SNX8: variants seen among roughly 807,000 people sequenced by gnomAD.
The protein encoded by SNX8 is sorting nexin 8.
In SNX8, 25 loss-of-function variants were observed where a neutral mutation model predicts 51.6. The observed-to-expected ratio is 0.48, with a 90% CI of 0.35 to 0.68. The LOEUF (loss-of-function observed/expected upper bound fraction) is 0.68. Among genes scored for constraint, SNX8 ranks in the 30% least tolerant of loss-of-function variants. SNX8 has a pLI of 0.00. For synonymous variants in SNX8, 324 were observed against 277.0 expected (o/e 1.17, Z -1.68); for missense variants, 695 against 624.0 (o/e 1.11, Z -1.21).
At chr7:2,330,396 C>T (rs1778709006) in intron 1 of SNX8, among the ~76,000 whole-genome samples, 1 of 152,092 alleles carries the variant, frequency 6.6e-6, no homozygotes, top group Admixed American at 6.6e-5. Context: ...CCTTGGCCTC[C>T]AAAGTGCTGG....
chr7:2,300,612 C>T (rs1335999900), intron 1 of SNX8, among the ~76,000 whole-genome samples: 1 of 151,572 alleles, frequency 6.6e-6, no homozygotes, highest in African/African-American at 2.4e-5. Context: ...AAAGGTCTCG[C>T]TATGTAATGC....
At chr7:2,310,550 G>A (rs1156469295) in intron 1 of SNX8, among the ~76,000 whole-genome samples, 2 of 152,162 alleles carry the variant, frequency 1.3e-5, no homozygotes, top group Non-Finnish European at 2.9e-5. Context: ...GGCAGATCAT[G>A]AGGTCAGGAG....
chr7:2,340,096 T>C (rs1778894708), intron 1 of SNX8, among the ~76,000 whole-genome samples: 1 of 150,820 alleles, frequency 6.6e-6, no homozygotes, highest in Non-Finnish European at 1.5e-5. Context: ...AGAGTTCCGC[T>C]CTTATTGTCA....
intron 1 of SNX8, among the ~76,000 whole-genome samples, chr7:2,279,694 A>AG (rs1017870513): frequency 6.7e-6 from 1 of 148,656 alleles, no homozygotes; most frequent in Non-Finnish European, 1.5e-5. Flanking sequence ...CGGAGGCTGC[A>AG]GTGAGCCATG....
intron 7 of SNX8, among the ~76,000 whole-genome samples, chr7:2,262,348 C>A (rs1274937567): frequency 2.0e-5 from 3 of 152,046 alleles, no homozygotes; most frequent in Non-Finnish European, 4.4e-5. Flanking sequence ...CCATGTAACA[C>A]TTTTTCTTAA....
intron 1 of SNX8, among the ~76,000 whole-genome samples, chr7:2,323,329 C>CAAAAAA (rs35005505): frequency 3.8e-5 from 4 of 105,848 alleles, no homozygotes; most frequent in Non-Finnish European, 5.6e-5. Flanking sequence ...GAGTCTGTCT[C>CAAAAAA]AAAAAAAAAA....
chr7:2,263,465 C>A (rs76062739), intron 6 of SNX8, 103 bp from the exon 7 acceptor site: 17 of 1,195,546 alleles, frequency 1.4e-5, no homozygotes, highest in Non-Finnish European at 1.9e-5. Flanking sequence ...CGGCAACCTG[C>A]GTGACCCCGT....
At chr7:2,302,511 G>A (rs1268789472) in intron 1 of SNX8, among the ~76,000 whole-genome samples, 3 of 152,224 alleles carry the variant, frequency 2.0e-5, no homozygotes, top group African/African-American at 7.2e-5. Flanking sequence ...TGCAGCCTCT[G>A]CCCGGCCACC....
At chr7:2,262,533 G>T (rs1795362188) in intron 7 of SNX8, among the ~76,000 whole-genome samples, 1 of 151,888 alleles carries the variant, frequency 6.6e-6, no homozygotes, top group Admixed American at 6.6e-5. Flanking sequence ...AGGTGCTGGG[G>T]CTTTATTATT....
chr7:2,304,348 T>C (rs1057160003), intron 1 of SNX8, among the ~76,000 whole-genome samples: 1 of 150,306 alleles, frequency 6.7e-6, no homozygotes, highest in African/African-American at 2.4e-5. Flanking sequence ...ATAGAGACCA[T>C]CCTGGCTAAC....
intron 1 of SNX8, among the ~76,000 whole-genome samples, chr7:2,280,286 C>T (rs1795880371): frequency 6.6e-6 from 1 of 152,002 alleles, no homozygotes; most frequent in Non-Finnish European, 1.5e-5. Context: ...GTTTTTAATA[C>T]AAAGTGAGTT....
At chr7:2,267,658 A>G (rs60230268) in intron 5 of SNX8, among the ~76,000 whole-genome samples, 14 of 148,922 alleles carry the variant, frequency 9.4e-5, no homozygotes, top group Admixed American at 3.4e-4. Flanking sequence ...ATCTCGGCTC[A>G]CTACAACCTA....
At chr7:2,268,449 TG>T (rs1221305237) in intron 5 of SNX8, among the ~76,000 whole-genome samples, 17 of 105,458 alleles carry the variant, frequency 1.6e-4, no homozygotes, top group Admixed American at 2.8e-4. Context: ...GGGAGGGAGG[TG>T]GGGGGGGTCA....
intron 3 of SNX8, among the ~76,000 whole-genome samples, chr7:2,274,495 A>G (rs958213295): frequency 6.6e-6 from 1 of 152,198 alleles, no homozygotes; most frequent in Admixed American, 6.5e-5. Context: ...CCGCCATCCC[A>G]AGCTCTGCAG....
Position 2,345,104 on chromosome 7 carries a change from A to C in SNX8, c.-66+9118T>G, listed in dbSNP as rs539885370. On this transcript the variant is annotated intron_variant, in intron 1 of 5. Coordinates refer to the SNX8 transcript ENST00000435336. Reference sequence around the variant, plus strand: ...CCTGTGACCCGCAAATCCTACTTTTAGTCATATTCTCTAAACTATAGCTCA... The same window carrying C: ...CCTGTGACCCGCAAATCCTACTTTTCGTCATATTCTCTAAACTATAGCTCA... 7.9e-5 allele frequency among the ~76,000 whole-genome samples: 12 copies of C among 152,318 alleles called. No homozygotes were observed. In the South Asian group the frequency reaches 2.5e-3, roughly 32 times the overall value.
chr7:2,277,035 G>A (rs1246114575), intron 2 of SNX8, among the ~76,000 whole-genome samples: 1 of 152,266 alleles, frequency 6.6e-6, no homozygotes, highest in Non-Finnish European at 1.5e-5. Context: ...GTGCCGTCCG[G>A]CCGGGGCTGG....
intron 1 of SNX8, among the ~76,000 whole-genome samples, chr7:2,313,815 T>A (rs1796707220): frequency 2.0e-5 from 3 of 152,206 alleles, no homozygotes; most frequent in Non-Finnish European, 4.4e-5. Context: ...ATCTATAGAT[T>A]CGGTTCACAG....
At chr7:2,313,328 C>T (rs1388671996) in intron 1 of SNX8, among the ~76,000 whole-genome samples, 3 of 151,718 alleles carry the variant, frequency 2.0e-5, no homozygotes, top group African/African-American at 7.2e-5. Context: ...GAGTTCGAGA[C>T]CAGCCTGGCC....
chr7:2,264,529 T>A, intron 5 of SNX8, 71 bp from the exon 6 acceptor site: 1 of 1,505,550 alleles, frequency 6.6e-7, no homozygotes, highest in Non-Finnish European at 9.0e-7. Context: ...CAGCAGCCGG[T>A]CCCCCAGAAG....
Sources: gnomAD v4.1 joint callset for allele counts (sites outside exome capture counted in the v4.1 genomes callset) on GRCh38, gnomAD v4.1.1 for gene constraint, MANE v1.5 for transcripts, NCBI Gene and HGNC (gene_info 2026-07-23, HGNC 2026-07-21) for gene names.